The following ZSWIM6 variants were observed in gnomAD, a reference collection of about 807,000 sequenced individuals.
The protein encoded by ZSWIM6 is zinc finger SWIM domain-containing protein 6.
ZSWIM6 carries 9 observed loss-of-function variants against 113.2 expected under a neutral mutation model. The observed-to-expected ratio is 0.08, with a 90% CI of 0.05 to 0.14. The LOEUF (loss-of-function observed/expected upper bound fraction) is 0.14, where lower values mean the gene tolerates loss of function less well. Ranked by LOEUF, ZSWIM6 falls within the 10% of genes least tolerant of loss-of-function variation. The probability of loss-of-function intolerance (pLI) is 1.00; values close to 1 mark genes in which losing one functional copy is unlikely to be tolerated. For missense variants in ZSWIM6, 1,162 were observed against 1,552.2 expected (o/e 0.75, Z 4.22); for synonymous variants, 611 against 606.5 (o/e 1.01, Z -0.11).
chr5:61,341,049 TAAAA>T (rs1212004463), intron 1 of ZSWIM6, among the ~76,000 whole-genome samples: 1 of 152,142 alleles, frequency 6.6e-6, no homozygotes, highest in Admixed American at 6.5e-5. Context: ...GATGAGAAAA[TAAAA>T]AAGTCAGTTC....
At chr5:61,363,357 C>G (rs1745073099) in intron 1 of ZSWIM6, among the ~76,000 whole-genome samples, 1 of 152,148 alleles carries the variant, frequency 6.6e-6, no homozygotes, top group South Asian at 2.1e-4. Flanking sequence ...GGTAAGAATA[C>G]CCTGTAATCT....
rs570613230 is a variant in ZSWIM6, at chr5:61,451,655, T to C, written c.677-21026T>C. 2.0e-5 allele frequency among the ~76,000 whole-genome samples: 3 copies of C among 152,314 alleles called. No individual in the cohort carries two copies. The East Asian group carries it at 5.8e-4, about 29-fold the overall frequency. ...TAGAGGAAAGGTTCTTTCTTTTAAA[T>C]GGAGAAGGCAGATTTCTCATTAGAC... On this transcript the variant is annotated intron_variant, in intron 1 of 13. Coordinates refer to ENST00000252744, the MANE Select transcript of ZSWIM6 (RefSeq NM_020928.2).
chr5:61,366,171 C>T (rs748367145), intron 1 of ZSWIM6, among the ~76,000 whole-genome samples: 2 of 152,230 alleles, frequency 1.3e-5, no homozygotes, highest in Non-Finnish European at 2.9e-5. Flanking sequence ...GCTGGGATTA[C>T]AAGCGTGAAC....
chr5:61,460,667 G>A (rs1176411383), intron 1 of ZSWIM6, among the ~76,000 whole-genome samples: 1 of 152,090 alleles, frequency 6.6e-6, no homozygotes, highest in South Asian at 2.1e-4. Context: ...GGAACCCTGT[G>A]TTATTCATGG....
At chr5:61,333,074 C>A in intron 1 of ZSWIM6, 126 bp downstream of exon 1, 2 of 985,798 alleles carry the variant, frequency 2.0e-6, no homozygotes, top group Non-Finnish European at 2.5e-6. Flanking sequence ...CGGGTGTCCT[C>A]ACTGGCCCGG....
At chr5:61,351,384 G>A (rs1744780162) in intron 1 of ZSWIM6, among the ~76,000 whole-genome samples, 1 of 152,152 alleles carries the variant, frequency 6.6e-6, no homozygotes, top group Admixed American at 6.5e-5. Context: ...CATGGCAAGT[G>A]GAAGATGGAA....
intron 1 of ZSWIM6, among the ~76,000 whole-genome samples, chr5:61,408,878 T>A (rs1446819308): frequency 6.6e-6 from 1 of 151,328 alleles, no homozygotes. Flanking sequence ...CAGGCCAGAG[T>A]CAGAGACTGA....
At chr5:61,373,097 A>G (rs1745300253) in intron 1 of ZSWIM6, among the ~76,000 whole-genome samples, 1 of 152,052 alleles carries the variant, frequency 6.6e-6, no homozygotes, top group Non-Finnish European at 1.5e-5. Flanking sequence ...CTTTTTATTC[A>G]TTTACGTTTA....
intron 4 of ZSWIM6, among the ~76,000 whole-genome samples, chr5:61,506,517 T>C (rs1327112986): frequency 6.6e-6 from 1 of 151,564 alleles, no homozygotes; most frequent in Non-Finnish European, 1.5e-5. Flanking sequence ...GAGGTTGCAA[T>C]GAGCCAAGAT....
rs547733040 is a variant in ZSWIM6 at position 61,374,706 on chromosome 5, A to G, written c.676+41758A>G. Among the ~76,000 whole-genome samples, 7 of 151,372 alleles carry G rather than the reference A, an allele frequency of 4.6e-5. No individual in the cohort carries two copies. The South Asian group carries it at 1.2e-3, about 27-fold the overall frequency. On this transcript the variant is annotated intron_variant, in intron 1 of 13. Coordinates refer to ENST00000252744, the MANE Select transcript of ZSWIM6 (RefSeq NM_020928.2). Reference sequence around the variant, plus strand: ...GTAGCTGGGACTACAGGCGCTCGCCACCACGCCCGGCTGATTTTTTTGTAT... The same window carrying G: ...GTAGCTGGGACTACAGGCGCTCGCCGCCACGCCCGGCTGATTTTTTTGTAT...
At chr5:61,457,284 A>G (rs1747222832) in intron 1 of ZSWIM6, among the ~76,000 whole-genome samples, 1 of 152,204 alleles carries the variant, frequency 6.6e-6, no homozygotes, top group African/African-American at 2.4e-5. Flanking sequence ...GAAACGTTTG[A>G]TGAGCTGATG....
intron 1 of ZSWIM6, among the ~76,000 whole-genome samples, chr5:61,379,156 C>T (rs902428088): frequency 5.8e-5 from 8 of 138,624 alleles, no homozygotes; most frequent in Non-Finnish European, 9.1e-5. Context: ...TCTACTCCAG[C>T]CTGGGCAATA....
At chr5:61,495,946 T>G (rs1748303427) in intron 4 of ZSWIM6, among the ~76,000 whole-genome samples, 1 of 152,082 alleles carries the variant, frequency 6.6e-6, no homozygotes, top group Non-Finnish European at 1.5e-5. Context: ...AACGACTGTT[T>G]AGGAAGAAAA....
chr5:61,380,971 A>G (rs1333489306), intron 1 of ZSWIM6, among the ~76,000 whole-genome samples: 1 of 151,224 alleles, frequency 6.6e-6, no homozygotes, highest in East Asian at 1.9e-4. Context: ...AATACAGGCC[A>G]GGTGTGGTGG....
intron 1 of ZSWIM6, among the ~76,000 whole-genome samples, chr5:61,342,935 G>A (rs1461940800): frequency 3.9e-5 from 6 of 152,076 alleles, no homozygotes; most frequent in Admixed American, 3.9e-4. Context: ...TTTCAGCTTT[G>A]GAGGATGGTT....
At chr5:61,507,374 A>C (rs1213130110) in intron 4 of ZSWIM6, among the ~76,000 whole-genome samples, 1 of 152,228 alleles carries the variant, frequency 6.6e-6, no homozygotes, top group East Asian at 1.9e-4. Flanking sequence ...GGGGGGTAGC[A>C]GTGAACAGCT....
intron 1 of ZSWIM6, among the ~76,000 whole-genome samples, chr5:61,366,333 A>G (rs1412923296): frequency 6.6e-6 from 1 of 152,234 alleles, no homozygotes; most frequent in Non-Finnish European, 1.5e-5. Context: ...TGGATGGGAT[A>G]GTGGCCGTGC....
rs938347044 is a variant in ZSWIM6 at position 61,344,643 on chromosome 5, C to T, written c.676+11695C>T. ...TATATTCCATTTCCCTCATTCCCTC[C>T]AGTTGTCCCCCTCTTCCTCCAATCA... On this transcript the variant is annotated intron_variant, in intron 1 of 13. Transcript: ENST00000252744. 7.9e-5 allele frequency among the ~76,000 whole-genome samples: 12 copies of T among 152,260 alleles called. 2 individuals are homozygous for T. Among genetic ancestry groups the T allele is most frequent in the Admixed American group, 5.2e-4 (8 of 15,300 alleles).
chr5:61,472,206 A>G lies in ZSWIM6; in HGVS notation c.677-475A>G, dbSNP rs777529787. On this transcript the variant is annotated intron_variant, in intron 1 of 13. Transcript: ENST00000252744. This position sits in a 1 kb window ranked among gnomAD's most constrained non-coding sequence, Gnocchi z 4.1. Reference sequence around the variant, plus strand: ...GTTGCAGTATTGGTTGGTTGGAGCCAGCTAGTGGCTGCCTAGAATAAAGGT... The same window carrying G: ...GTTGCAGTATTGGTTGGTTGGAGCCGGCTAGTGGCTGCCTAGAATAAAGGT... 3.9e-5 allele frequency among the ~76,000 whole-genome samples: 6 copies of G among 152,186 alleles called. No homozygotes were observed. The highest frequency in any genetic ancestry group is 8.8e-5 in the Non-Finnish European group (6 of 68,028).
Sources: gnomAD v4.1 joint callset for allele counts (sites outside exome capture counted in the v4.1 genomes callset) on GRCh38, gnomAD v4.1.1 for gene constraint, Gnocchi (gnomAD v3.1) non-coding constraint, MANE v1.5 for transcripts, NCBI Gene and HGNC (gene_info 2026-07-23, HGNC 2026-07-21) for gene names.